PUS10: variants seen among roughly 807,000 people sequenced by gnomAD.
The protein encoded by PUS10 is tRNA pseudouridine synthase Pus10.
PUS10 carries 59 observed loss-of-function variants against 75.0 expected under a neutral mutation model. The ratio of observed to expected loss-of-function variants is 0.79; its 90% confidence interval spans 0.64 to 0.98. The LOEUF (loss-of-function observed/expected upper bound fraction) is 0.98, where lower values mean the gene tolerates loss of function less well. Ranked by LOEUF, PUS10 falls within the 50% of genes least tolerant of loss-of-function variation. The probability of loss-of-function intolerance (pLI) is 0.00; values close to 1 mark genes in which losing one functional copy is unlikely to be tolerated. For synonymous variants in PUS10, 219 were observed against 211.6 expected (o/e 1.03, Z -0.30); for missense variants, 650 against 614.4 (o/e 1.06, Z -0.61).
chr2:60,995,019 G>A (rs554615928), intron 4 of PUS10, among the ~76,000 whole-genome samples: 1 of 152,282 alleles, frequency 6.6e-6, no homozygotes, highest in Non-Finnish European at 1.5e-5. Flanking sequence ...GAACCCGGGA[G>A]GTGGAAATTG....
At chr2:60,992,098 A>T (rs1328743223) in intron 4 of PUS10, among the ~76,000 whole-genome samples, 2 of 149,300 alleles carry the variant, frequency 1.3e-5, no homozygotes, top group Admixed American at 1.4e-4. Flanking sequence ...TGCAACCTCC[A>T]CTTCCTGGGT....
intron 11 of PUS10, among the ~76,000 whole-genome samples, chr2:60,956,543 A>C (rs1040225348): frequency 6.6e-6 from 1 of 152,238 alleles, no homozygotes; most frequent in South Asian, 2.1e-4. Flanking sequence ...TCTTAAATTC[A>C]TAAGTCAGCC....
intron 4 of PUS10, among the ~76,000 whole-genome samples, chr2:60,972,185 C>G (rs1316358189): frequency 7.2e-6 from 1 of 139,210 alleles, no homozygotes; most frequent in African/African-American, 2.6e-5. Flanking sequence ...TAATCTGGGC[C>G]AGGCGCGCTG....
At chr2:61,006,529 A>G (rs371258066) in intron 4 of PUS10, 28 bp downstream of exon 4, 3 of 1,466,366 alleles carry the variant, frequency 2.0e-6, no homozygotes, top group African/African-American at 2.8e-5. Context: ...CACTTCACAT[A>G]CAGTTTTATG....
At chr2:60,950,646 T>C (rs1347808386) in intron 15 of PUS10, among the ~76,000 whole-genome samples, 1 of 152,212 alleles carries the variant, frequency 6.6e-6, no homozygotes, top group Non-Finnish European at 1.5e-5. Context: ...CTCAAACTCC[T>C]GGCCTCAAGT....
chr2:60,993,915 G>A (rs945880738), intron 4 of PUS10, among the ~76,000 whole-genome samples: 10 of 151,728 alleles, frequency 6.6e-5, no homozygotes, highest in African/African-American at 1.7e-4. Context: ...TCAGCCTCCC[G>A]AGTAGCTGGG....
At chr2:60,956,974 C>CAAAAAAAAAAA (rs56804354) in intron 11 of PUS10, among the ~76,000 whole-genome samples, 5 of 19,242 alleles carry the variant, frequency 2.6e-4, no homozygotes, top group African/African-American at 4.7e-4. Flanking sequence ...GACTCCATCT[C>CAAAAAAAAAAA]AAAAAAAAAA....
At chr2:60,972,775 A>T (rs1224501190) in intron 4 of PUS10, among the ~76,000 whole-genome samples, 1 of 152,250 alleles carries the variant, frequency 6.6e-6, no homozygotes, top group Non-Finnish European at 1.5e-5. Flanking sequence ...GTCCTTCTAA[A>T]CTAACAGGAC....
intron 4 of PUS10, among the ~76,000 whole-genome samples, chr2:60,991,844 A>G (rs1678101354): frequency 6.6e-6 from 1 of 152,186 alleles, no homozygotes; most frequent in African/African-American, 2.4e-5. Context: ...AATAAATATT[A>G]CGAAAATTGG....
chr2:60,991,996 T>C (rs1268449949), intron 4 of PUS10, among the ~76,000 whole-genome samples: 1 of 151,810 alleles, frequency 6.6e-6, no homozygotes, highest in Admixed American at 6.6e-5. Flanking sequence ...AGATTGAATG[T>C]TACTCAACAG....
chr2:60,952,610 CT>C (rs1381513971), intron 15 of PUS10, among the ~76,000 whole-genome samples: 1 of 152,092 alleles, frequency 6.6e-6, no homozygotes, highest in Non-Finnish European at 1.5e-5. Flanking sequence ...CAAGTGTTTC[CT>C]ATGTGCCAGG....
intron 11 of PUS10, among the ~76,000 whole-genome samples, chr2:60,959,926 C>T (rs1204988172): frequency 6.6e-6 from 1 of 151,972 alleles, no homozygotes; most frequent in Non-Finnish European, 1.5e-5. Flanking sequence ...TGCCTATAAT[C>T]CCAGCACTTT....
At chr2:60,960,251 G>T in intron 11 of PUS10, 141 bp downstream of exon 11, 1 of 541,560 alleles carries the variant, frequency 1.8e-6, no homozygotes, top group Non-Finnish European at 3.0e-6. Flanking sequence ...GGCCAAGGTG[G>T]GCAGATCGTT....
At chr2:60,965,527 T>C in intron 6 of PUS10, 43 bp from the exon 7 acceptor site, 1 of 1,287,424 alleles carries the variant, frequency 7.8e-7, no homozygotes, top group Non-Finnish European at 1.1e-6. Flanking sequence ...AAAAGGAAAC[T>C]AACATCTAAC....
At chr2:60,960,165 AAAAAG>A (rs1675929786) in intron 11 of PUS10, among the ~76,000 whole-genome samples, 1 of 150,298 alleles carries the variant, frequency 6.7e-6, no homozygotes, top group East Asian at 2.0e-4. Flanking sequence ...AAAAAAAAAA[AAAAAG>A]AGAGAGAGAA....
intron 1 of PUS10, 126 bp downstream of exon 1, chr2:61,017,882 T>C (rs1400950901): frequency 1.3e-6 from 2 of 1,541,598 alleles, no homozygotes; most frequent in East Asian, 4.9e-5. Context: ...GCTGTGAGTT[T>C]AGTGGGCCCG....
chr2:60,953,821 G>A (rs1369669038), intron 14 of PUS10, 112 bp downstream of exon 14: 3 of 773,050 alleles, frequency 3.9e-6, no homozygotes, highest in Non-Finnish European at 6.7e-6. Context: ...CCCATTTGTA[G>A]TTGTGTTGTT....
In PUS10 at chr2:60,951,837, C is replaced by G. The variant is rs566539762; in HGVS notation, c.1308+1160G>C. 5.3e-5 allele frequency among the ~76,000 whole-genome samples: 8 copies of G among 152,268 alleles called. No individual in the cohort carries two copies. In the South Asian group the frequency reaches 1.4e-3, roughly 28 times the overall value. On this transcript the variant is annotated intron_variant, in intron 15 of 17. Transcript: ENST00000316752. Reference sequence around the variant, plus strand: ...TTTTTTCCTTAGCACTTACCAGAAACCTTTTCCTGTGTCAATAAATATTTA... The same window carrying G: ...TTTTTTCCTTAGCACTTACCAGAAAGCTTTTCCTGTGTCAATAAATATTTA...
In PUS10 at chr2:60,941,145, C is replaced by T. The variant is rs533839635; in HGVS notation, c.*1250G>A. 6 of 152,344 alleles carry T rather than the reference C, an allele frequency of 3.9e-5. No homozygotes were observed. The South Asian group carries it at 1.2e-3, about 32-fold the overall frequency. The allele number at this position is 152,344 out of a possible 1,614,324, so 9.4% of individuals were successfully genotyped here. Reference sequence around the variant, plus strand: ...TCAAATCTGAAATTGTAATGAGGCTCCTTTCTGAAACTTAAATGACCCATT... The same window carrying T: ...TCAAATCTGAAATTGTAATGAGGCTTCTTTCTGAAACTTAAATGACCCATT... On this transcript the variant is annotated 3_prime_UTR_variant, in exon 18 of 18. Coordinates refer to ENST00000316752, the MANE Select transcript of PUS10 (RefSeq NM_144709.4).
Sources: gnomAD v4.1 joint callset for allele counts (sites outside exome capture counted in the v4.1 genomes callset) on GRCh38, gnomAD v4.1.1 for gene constraint, MANE v1.5 for transcripts, NCBI Gene and HGNC (gene_info 2026-07-23, HGNC 2026-07-21) for gene names.